The following NEBL variants were observed in gnomAD, a reference collection of about 807,000 sequenced individuals.
NEBL encodes the protein LIM and SH3 protein 2.
Under a neutral mutation model 140.2 loss-of-function variants are expected in NEBL, and 122 were observed. The observed-to-expected ratio is 0.87, with a 90% CI of 0.75 to 1.01. The LOEUF is 1.01. NEBL is among the 50% of genes least tolerant of loss of function. The pLI, the probability that NEBL is intolerant of heterozygous loss-of-function variation, is 0.00. For synonymous variants in NEBL, 436 were observed against 398.9 expected (o/e 1.09, Z -1.11); for missense variants, 1,365 against 1,231.3 (o/e 1.11, Z -1.62).
At chr10:20,825,310 G>A (rs577777253) in intron 18 of NEBL, among the ~76,000 whole-genome samples, 1 of 152,184 alleles carries the variant, frequency 6.6e-6, no homozygotes, top group African/African-American at 2.4e-5. Context: ...AAGGTGAAAA[G>A]ATAAGTCAGA....
chr10:21,048,698 C>T (rs996979626), intron 2 of NEBL, among the ~76,000 whole-genome samples: 3 of 151,892 alleles, frequency 2.0e-5, no homozygotes, highest in South Asian at 2.1e-4. Context: ...ATTGCAAATT[C>T]GAGTCTAAAG....
At chr10:21,083,449 C>T (rs1836478964) in intron 2 of NEBL, among the ~76,000 whole-genome samples, 1 of 152,122 alleles carries the variant, frequency 6.6e-6, no homozygotes, top group Non-Finnish European at 1.5e-5. Flanking sequence ...CAAAAGAGCC[C>T]GTCTGAGTTC....
intron 3 of NEBL, among the ~76,000 whole-genome samples, chr10:21,211,945 C>T (rs1841923982): frequency 6.6e-6 from 1 of 152,054 alleles, no homozygotes; most frequent in Non-Finnish European, 1.5e-5. Context: ...TGTGTTTGCT[C>T]TTATGTAATG....
At chr10:21,289,312 G>A (rs1166255510) in intron 1 of NEBL, among the ~76,000 whole-genome samples, 1 of 152,126 alleles carries the variant, frequency 6.6e-6, no homozygotes, top group African/African-American at 2.4e-5. Flanking sequence ...AGTATTCACG[G>A]AGATCATGAA....
intron 3 of NEBL, among the ~76,000 whole-genome samples, chr10:21,185,126 A>G (rs920570164): frequency 1.3e-5 from 2 of 152,206 alleles, no homozygotes; most frequent in Non-Finnish European, 2.9e-5. Flanking sequence ...CCATTAGAGA[A>G]AAAAGGAACC....
chr10:21,266,122 T>G (rs530192522), intron 1 of NEBL, among the ~76,000 whole-genome samples: 1 of 152,224 alleles, frequency 6.6e-6, no homozygotes, highest in South Asian at 2.1e-4. Context: ...GATTTTTTTT[T>G]TCTTTTTTGC....
upstream of NEBL, among the ~76,000 whole-genome samples, chr10:21,178,257 C>T (rs1841333845): frequency 6.6e-6 from 1 of 152,290 alleles, no homozygotes. Flanking sequence ...AATTACCTTC[C>T]TTCATCCATT....
At chr10:21,200,181 C>T (rs1000065058) in intron 3 of NEBL, among the ~76,000 whole-genome samples, 2 of 152,102 alleles carry the variant, frequency 1.3e-5, no homozygotes, top group African/African-American at 2.4e-5. Context: ...ATGCGGCCCC[C>T]ACTCGCTACT....
intron 4 of NEBL, among the ~76,000 whole-genome samples, chr10:20,906,553 G>C (rs190779653): frequency 1.1e-4 from 17 of 152,034 alleles, no homozygotes; most frequent in Admixed American, 1.1e-3. Flanking sequence ...AAAATAACTG[G>C]TACTCTCTGA....
At position 21,071,184 on chromosome 10, in the gene NEBL, A is replaced by G. The variant is rs557620086; in HGVS notation, c.165-50983T>C. Among the ~76,000 whole-genome samples, 8 of 149,754 alleles carry G rather than the reference A, an allele frequency of 5.3e-5. No homozygotes were observed. The South Asian group carries it at 1.7e-3, about 31-fold the overall frequency. ...ACTCTGTCTCTAAACAATAAATAAT[A>G]ATAATATTTTATTTTTAATATTATT... On this transcript the variant is annotated intron_variant, in intron 2 of 6. Coordinates refer to the NEBL transcript ENST00000417816.
chr10:21,259,922 A>C (rs1192777036), intron 1 of NEBL, among the ~76,000 whole-genome samples: 2 of 152,198 alleles, frequency 1.3e-5, no homozygotes, highest in African/African-American at 4.8e-5. Context: ...CCCTGAAGGC[A>C]GTTGGCAGCC....
intron 4 of NEBL, among the ~76,000 whole-genome samples, chr10:20,950,854 T>C (rs922472369): frequency 2.6e-5 from 4 of 152,354 alleles, no homozygotes; most frequent in Non-Finnish European, 5.9e-5. Context: ...TTTTAAGGTT[T>C]TTTCCTGTAT....
chr10:21,220,880 G>T (rs997864480), intron 3 of NEBL, among the ~76,000 whole-genome samples: 1 of 152,230 alleles, frequency 6.6e-6, no homozygotes, highest in African/African-American at 2.4e-5. Flanking sequence ...ATACAGTTGG[G>T]CATGGCGGCT....
chr10:20,829,411 G>T (rs1487126842), intron 16 of NEBL, among the ~76,000 whole-genome samples: 1 of 136,826 alleles, frequency 7.3e-6, no homozygotes, highest in Non-Finnish European at 1.5e-5. Flanking sequence ...ACAGGAAGGG[G>T]AACATCACAC....
intron 3 of NEBL, among the ~76,000 whole-genome samples, chr10:21,234,412 T>C (rs1564547216): frequency 6.6e-6 from 1 of 152,122 alleles, no homozygotes; most frequent in Admixed American, 6.5e-5. Flanking sequence ...TCTCTTCATG[T>C]AATTCACCTG....
intron 5 of NEBL, among the ~76,000 whole-genome samples, chr10:20,879,827 T>TA (rs1235520565): frequency 5.9e-5 from 9 of 151,480 alleles, no homozygotes; most frequent in Admixed American, 2.6e-4. Context: ...GAGGAGATTT[T>TA]AAAAAAAAGC....
chr10:21,018,848 T>G (rs1838664111), intron 3 of NEBL, among the ~76,000 whole-genome samples: 1 of 152,028 alleles, frequency 6.6e-6, no homozygotes, highest in Non-Finnish European at 1.5e-5. Flanking sequence ...ACCAAGATGG[T>G]GAAACCCTGT....
intron 4 of NEBL, among the ~76,000 whole-genome samples, chr10:20,906,256 T>C (rs942756566): frequency 3.9e-5 from 6 of 152,174 alleles, no homozygotes; most frequent in African/African-American, 1.4e-4. Flanking sequence ...ACTAAACAAG[T>C]GATGTCAATG....
intron 4 of NEBL, among the ~76,000 whole-genome samples, chr10:20,957,363 A>C (rs1835855117): frequency 6.6e-6 from 1 of 152,206 alleles, no homozygotes; most frequent in African/African-American, 2.4e-5. Flanking sequence ...TTATAGAGAG[A>C]TTACTTTTTG....
Sources: gnomAD v4.1 joint callset for allele counts (sites outside exome capture counted in the v4.1 genomes callset) on GRCh38, gnomAD v4.1.1 for gene constraint, MANE v1.5 for transcripts, NCBI Gene and HGNC (gene_info 2026-07-23, HGNC 2026-07-21) for gene names.